The following MFAP3L variants were observed in gnomAD, a reference collection of about 807,000 sequenced individuals.
MFAP3L encodes the protein microfibrillar-associated protein 3-like.
In MFAP3L, 5 loss-of-function variants were observed where a neutral mutation model predicts 20.0. The observed-to-expected ratio is 0.25, with a 90% CI of 0.13 to 0.53. The LOEUF (loss-of-function observed/expected upper bound fraction) is 0.53, where lower values mean the gene tolerates loss of function less well. Among genes scored for constraint, MFAP3L ranks in the 20% least tolerant of loss-of-function variants. MFAP3L has a pLI of 0.96. For missense variants in MFAP3L, 409 were observed against 527.5 expected, an observed-to-expected ratio of 0.78 and a Z score of 2.20; for synonymous variants, 219 against 213.0, an observed-to-expected ratio of 1.03 and a Z score of -0.25.
rs1315830912 is a variant in MFAP3L at position 169,991,325 on chromosome 4, T to A, written c.*53A>T. On this transcript the variant is annotated 3_prime_UTR_variant, in exon 3 of 3. Coordinates refer to ENST00000361618, the MANE Select transcript of MFAP3L (RefSeq NM_021647.8). This position sits in a 1 kb window ranked among gnomAD's most constrained non-coding sequence, Gnocchi z 4.9. ...CGGCAAGTGCGTACTACATCTGTAT[T>A]ACAAGGAGCAGCCCCTGATTTTCTT... 1.3e-6 allele frequency: 2 copies of A among 1,552,918 alleles called. No individual in the cohort carries two copies. Among genetic ancestry groups the A allele is most frequent in the Non-Finnish European group, 1.7e-6 (2 of 1,144,938 alleles).
At position 169,988,485 on chromosome 4, in the gene MFAP3L, G is replaced by A. The variant is rs1220996270; in HGVS notation, c.*2893C>T. On this transcript the variant is annotated 3_prime_UTR_variant, in exon 3 of 3. Coordinates refer to ENST00000361618, the MANE Select transcript of MFAP3L (RefSeq NM_021647.8). Reference sequence around the variant, plus strand: ...ATACGACCCAAAGGACGAGGCTTTGGATTTAGTGTGAAGCTTTTAAAACTG... The same window carrying A: ...ATACGACCCAAAGGACGAGGCTTTGAATTTAGTGTGAAGCTTTTAAAACTG... The A allele has an allele frequency of 6.6e-6, 1 of 152,198 alleles. No homozygotes were observed. Among genetic ancestry groups the A allele is most frequent in the East Asian group, 1.9e-4 (1 of 5,188 alleles). The allele number at this position is 152,198 out of a possible 1,614,324, so 9.4% of individuals were successfully genotyped here. A position where few individuals can be genotyped will look rare whatever the true frequency, so the allele number is the denominator to read the frequency against.
At chr4:170,020,365 T>TCCTGGGTTTCC (rs1217387935) in intron 1 of MFAP3L, among the ~76,000 whole-genome samples, 1 of 152,168 alleles carries the variant, frequency 6.6e-6, no homozygotes, top group East Asian at 1.9e-4. Flanking sequence ...GGCTGCCACA[T>TCCTGGGTTTCC]CCTGGGTTTC....
chr4:170,026,489 T>G (rs940296190), upstream of MFAP3L: 1 of 165,658 alleles, frequency 6.0e-6, no homozygotes, highest in African/African-American at 2.4e-5. Flanking sequence ...GAGGCGCGGG[T>G]GTAGCCGCCG....
At chr4:169,996,823 G>T (rs1212246352) in intron 2 of MFAP3L, among the ~76,000 whole-genome samples, 1 of 152,150 alleles carries the variant, frequency 6.6e-6, no homozygotes, top group Non-Finnish European at 1.5e-5. Context: ...CCCCTGACAG[G>T]TTTGCCTTAC....
chr4:169,996,082 C>G (rs939911250), intron 2 of MFAP3L, among the ~76,000 whole-genome samples: 3 of 143,908 alleles, frequency 2.1e-5, no homozygotes, highest in Admixed American at 7.6e-5. Flanking sequence ...AAGTGATGCA[C>G]ACCTGAGGCT....
chr4:170,013,773 A>C (rs2111042146), intron 1 of MFAP3L, among the ~76,000 whole-genome samples: 1 of 152,348 alleles, frequency 6.6e-6, no homozygotes, highest in South Asian at 2.1e-4. Flanking sequence ...ACATAATGTC[A>C]AATTCTTATT....
intron 2 of MFAP3L, among the ~76,000 whole-genome samples, chr4:169,995,655 G>A (rs1017281995): frequency 3.3e-5 from 5 of 152,130 alleles, no homozygotes; most frequent in Non-Finnish European, 7.4e-5. Flanking sequence ...GAAGGGTCCC[G>A]ACTTCAGCTT....
At position 169,992,314 on chromosome 4, in the gene MFAP3L, C is replaced by T. The variant is rs374927490; in HGVS notation, c.299-5G>A. 40 of 1,599,054 alleles carry T rather than the reference C, an allele frequency of 2.5e-5. No homozygotes were observed. The highest frequency in any genetic ancestry group is 3.0e-5 in the Non-Finnish European group (35 of 1,171,620). ...TGTCGTGCATTTGCCATTTTCCTGT[C>T]GGAAGGGAGAGAAGAGAATTCAACC... On this transcript the variant is annotated splice_region_variant and splice_polypyrimidine_tract_variant and intron_variant, in intron 2 of 2. Transcript: ENST00000361618. The surrounding 1 kb of genome is among the most constrained non-coding windows in gnomAD (Gnocchi z 4.3).
chr4:170,011,668 A>C (rs12643956), intron 1 of MFAP3L, among the ~76,000 whole-genome samples: 69,615 of 151,886 alleles, frequency 0.46, 16,261 homozygotes, highest in East Asian at 0.71. Context: ...CAGAATCCGG[A>C]AGGGGACACA....
At position 169,992,787 on chromosome 4, in the gene MFAP3L, T is replaced by C. The variant is rs78933471; in HGVS notation, c.299-478A>G. Among the ~76,000 whole-genome samples, 10,730 of 152,334 alleles carry C rather than the reference T, an allele frequency of 0.07. 542 individuals carry two copies. The highest frequency in any genetic ancestry group is 0.11 in the Middle Eastern group (32 of 294). On this transcript the variant is annotated intron_variant, in intron 2 of 2. Coordinates refer to ENST00000361618, the MANE Select transcript of MFAP3L (RefSeq NM_021647.8). The surrounding 1 kb of genome is among the most constrained non-coding windows in gnomAD (Gnocchi z 4.3). ...AGTGAGCATGCCTCCATTGAATATA[T>C]GTTCACTGGGGAGGTTAATGCAATT...
chr4:170,006,329 T>G (rs1739033509), intron 1 of MFAP3L, among the ~76,000 whole-genome samples: 1 of 152,096 alleles, frequency 6.6e-6, no homozygotes, highest in Admixed American at 6.5e-5. Context: ...GCCAGGCTGG[T>G]CTCGAACTCC....
chr4:169,996,110 C>T (rs879918316), intron 2 of MFAP3L, among the ~76,000 whole-genome samples: 3 of 150,576 alleles, frequency 2.0e-5, no homozygotes, highest in Non-Finnish European at 2.9e-5. Context: ...AAAATGCTCA[C>T]ACACGCTGCA....
chr4:170,019,938 T>C (rs1177171788), intron 1 of MFAP3L, among the ~76,000 whole-genome samples: 1 of 152,186 alleles, frequency 6.6e-6, no homozygotes, highest in Non-Finnish European at 1.5e-5. Flanking sequence ...TCAGTCTCAT[T>C]AGCAAGTCCC....
In MFAP3L at chr4:170,021,597, T is replaced by C. The variant is rs1012421289; in HGVS notation, c.-134+4637A>G. ...TCTTTTACCACATTGTCTGAAAAAT[T>C]TGTTTTTCTTACATGCAGTTCAGTT... On this transcript the variant is annotated intron_variant, in intron 1 of 2. Transcript: ENST00000361618. Among the ~76,000 whole-genome samples the C allele has an allele frequency of 2.0e-5, 3 of 151,908 alleles. No individual in the cohort carries two copies. The East Asian group carries it at 5.8e-4, about 29-fold the overall frequency.
intron 1 of MFAP3L, among the ~76,000 whole-genome samples, chr4:170,023,197 T>G (rs1361258884): frequency 6.6e-6 from 1 of 152,184 alleles, no homozygotes; most frequent in Non-Finnish European, 1.5e-5. Flanking sequence ...GCCTCCTCAG[T>G]CCCATGTGCA....
chr4:170,026,419 C>G (rs1365496014), upstream of MFAP3L: 7 of 407,676 alleles, frequency 1.7e-5, no homozygotes, highest in Non-Finnish European at 2.3e-5. Context: ...AGCTTCCCAC[C>G]TACAGGAGCC....
rs765218220 is a variant in MFAP3L, at chr4:170,005,769, T to C, written c.109A>G (p.Asn37Asp). Residue 37 changes from asparagine (N) to aspartate (D), a missense_variant, in exon 2 of 3, where the codon AAT becomes GAT. Transcript: ENST00000361618. ...GAGCCCAAGACCACGTTAGTGCCAT[T>C]TAAAGTGCTGTTAGTCACACTCTTA... ...TAKSVTNSTL[N>D]GTNVVLGSVP... 6.2e-7 allele frequency: 1 copy of C among 1,614,214 alleles called. No homozygotes were observed. The highest frequency in any genetic ancestry group is 8.5e-7 in the Non-Finnish European group (1 of 1,180,042).
chr4:170,027,276 G>T (rs1204572505), upstream of MFAP3L: 2 of 149,082 alleles, frequency 1.3e-5, no homozygotes, highest in East Asian at 2.0e-4. Context: ...AATTTCTGGG[G>T]CGGGACCAGG....
At position 169,991,904 on chromosome 4, in the gene MFAP3L, T is replaced by C; in HGVS notation, c.704A>G (p.Glu235Gly). ...CAGAGGCACGCTCCTGGCAAGCTCT[T>C]CGATGTAGCGGGCGAACTCCATGGT... Reference protein sequence around the residue: ...FKTMEFARYIEELARSVPLPP... With the variant: ...FKTMEFARYIGELARSVPLPP... Residue 235 changes from glutamate (E) to glycine (G), a missense_variant, in exon 3 of 3, where the codon GAA becomes GGA. Physicochemically the swap from Glu to Gly is moderately conservative, Grantham distance 98 (BLOSUM62 -2). Transcript: ENST00000361618. The surrounding 1 kb of genome is among the most constrained non-coding windows in gnomAD (Gnocchi z 4.9). The C allele has an allele frequency of 6.2e-7, 1 of 1,614,158 alleles. No homozygotes were observed. Among genetic ancestry groups the C allele is most frequent in the Non-Finnish European group, 8.5e-7 (1 of 1,180,022 alleles).
Sources: allele counts gnomAD v4.1 joint callset (sites outside exome capture counted in the v4.1 genomes callset), GRCh38; gene constraint gnomAD v4.1.1; non-coding constraint Gnocchi (gnomAD v3.1); transcripts MANE v1.5; gene names NCBI Gene and HGNC (gene_info 2026-07-23, HGNC 2026-07-21).